ITGB8: variants seen among roughly 807,000 people sequenced by gnomAD.
The protein encoded by ITGB8 is integrin beta-8.
A neutral mutation model predicts 89.5 loss-of-function variants in ITGB8; 30 were observed. The observed-to-expected ratio is 0.34, with a 90% CI of 0.25 to 0.45. The LOEUF (loss-of-function observed/expected upper bound fraction) is 0.45. Ranked by LOEUF, ITGB8 falls within the 20% of genes least tolerant of loss-of-function variation. The probability of loss-of-function intolerance (pLI) is 1.00; values close to 1 mark genes in which losing one functional copy is unlikely to be tolerated. For synonymous variants in ITGB8, 335 were observed against 320.4 expected (o/e 1.05, Z -0.49); for missense variants, 836 against 933.3 (o/e 0.90, Z 1.36).
At chr7:20,399,037 G>A in intron 9 of ITGB8, 43 bp downstream of exon 9, 1 of 1,581,644 alleles carries the variant, frequency 6.3e-7, no homozygotes, top group Non-Finnish European at 8.6e-7. Context: ...AAACTAAGTT[G>A]TTTGGCGTAC....
intron 2 of ITGB8, chr7:20,365,559 A>C (rs761308340): frequency 6.6e-6 from 1 of 152,242 alleles, no homozygotes; most frequent in Non-Finnish European, 1.5e-5. Context: ...TGTGGGAAGC[A>C]CTGGGCACAG....
chr7:20,357,933 G>A lies in ITGB8; in HGVS notation c.128-5704G>A, dbSNP rs149189277. ...CTTTTTCTGATTTCTGTCAAGGCAG[G>A]TTTTTTTTGTTATCGTTGTTGTTTT... On this transcript the variant is annotated intron_variant, in intron 1 of 13. Transcript: ENST00000222573. Among the ~76,000 whole-genome samples, 855 of 151,926 alleles carry A rather than the reference G, an allele frequency of 5.6e-3. 9 individuals carry two copies. The highest frequency in any genetic ancestry group is 0.02 in the African/African-American group (813 of 41,444).
In ITGB8 at chr7:20,411,101, C is replaced by T. The variant is rs1481499550; in HGVS notation, c.*1104C>T. 1 of 143,642 alleles carries T rather than the reference C, an allele frequency of 7.0e-6. No individual in the cohort carries two copies. Among genetic ancestry groups the T allele is most frequent in the African/African-American group, 2.5e-5 (1 of 39,224 alleles). The allele number at this position is 143,642 out of a possible 1,614,324, so 8.9% of individuals were successfully genotyped here. On this transcript the variant is annotated 3_prime_UTR_variant, in exon 14 of 14. Transcript: ENST00000222573. ...CACTCCAACCCTTCTTGCCAGAATTCATAAAAGTACAAAATTGGAGAATAG... is the reference window on the plus strand; with the variant it reads ...CACTCCAACCCTTCTTGCCAGAATTTATAAAAGTACAAAATTGGAGAATAG...
intron 1 of ITGB8, among the ~76,000 whole-genome samples, chr7:20,332,681 T>C (rs1784446467): frequency 6.6e-6 from 1 of 152,206 alleles, no homozygotes; most frequent in Admixed American, 6.5e-5. Flanking sequence ...ACGAGGTTTA[T>C]TAATAATACC....
chr7:20,337,705 T>C (rs866218449), intron 1 of ITGB8, among the ~76,000 whole-genome samples: 14 of 152,300 alleles, frequency 9.2e-5, no homozygotes, highest in Middle Eastern at 3.4e-3. Context: ...TATAGACATA[T>C]AGATTGCTTT....
chr7:20,408,807 G>T (rs940313202), intron 12 of ITGB8, among the ~76,000 whole-genome samples: 1 of 152,080 alleles, frequency 6.6e-6, no homozygotes, highest in African/African-American at 2.4e-5. Context: ...CAAAGATCTG[G>T]TGCTAAAATG....
chr7:20,352,341 A>T (rs1583479458), intron 1 of ITGB8: 1 of 152,234 alleles, frequency 6.6e-6, no homozygotes, highest in African/African-American at 2.4e-5. Flanking sequence ...AAATTGAAGT[A>T]TTCAGCTAAA....
chr7:20,398,794 G>A (rs1408015219), intron 8 of ITGB8, 66 bp from the exon 9 acceptor site: 1 of 1,147,406 alleles, frequency 8.7e-7, no homozygotes, highest in Admixed American at 2.8e-5. Context: ...TAATAAGCTT[G>A]ACTCTGCTTT....
At position 20,342,187 on chromosome 7, in the gene ITGB8, A is replaced by G. The variant is rs1470246311; in HGVS notation, c.127+10254A>G. Among the ~76,000 whole-genome samples, 4 of 152,204 alleles carry G rather than the reference A, an allele frequency of 2.6e-5. 1 individual carries two copies. The highest frequency in any genetic ancestry group is 9.6e-5 in the African/African-American group (4 of 41,454). ...ACATCAAGCTCCAGAGGACGTAAGA[A>G]TTGGCCTCCAAGTTGTATAATATAA... On this transcript the variant is annotated intron_variant, in intron 1 of 13. Transcript: ENST00000222573.
rs746886746 is a variant in ITGB8 at position 20,404,684 on chromosome 7, C to G, written c.1744C>G (p.Arg582Gly). The change falls in exon 11 of 14, where the codon CGA becomes GGA. Residue 582 changes from arginine (R) to glycine (G), a missense_variant. By Grantham distance (125) the Arg-to-Gly change is moderately radical (BLOSUM62 -2). Coordinates refer to ENST00000222573, the MANE Select transcript of ITGB8 (RefSeq NM_002214.3). ...CQCFSGWEGD[R>G]CQCPSAAAQH... ...ATGCTTCAGTGGCTGGGAAGGTGATCGATGCCAGTGCCCTTCAGCAGCAGC... is the reference window on the plus strand; with the variant it reads ...ATGCTTCAGTGGCTGGGAAGGTGATGGATGCCAGTGCCCTTCAGCAGCAGC... The G allele has an allele frequency of 1.9e-6, 3 of 1,613,928 alleles. No individual in the cohort carries two copies. The highest frequency in any genetic ancestry group is 2.5e-6 in the Non-Finnish European group (3 of 1,179,982).
At chr7:20,355,506 G>A (rs910591913) in intron 1 of ITGB8, among the ~76,000 whole-genome samples, 2 of 152,036 alleles carry the variant, frequency 1.3e-5, no homozygotes, top group African/African-American at 4.8e-5. Flanking sequence ...CCAAATACAC[G>A]TTCAGACTAT....
In ITGB8 at chr7:20,413,257, A is replaced by T. The variant is rs1310851803; in HGVS notation, c.*3260A>T. On this transcript the variant is annotated 3_prime_UTR_variant, in exon 14 of 14. Transcript: ENST00000222573. ...TATTAAAATAAAAAAAAAATCTAAG[A>T]TTAAACACAGTAGATATCTCTGGAG... is the stretch of plus-strand genomic sequence containing the variant. 1 of 152,542 alleles carries T rather than the reference A, an allele frequency of 6.6e-6. No homozygotes were observed. The highest frequency in any genetic ancestry group is 1.9e-4 in the East Asian group (1 of 5,200). The allele number at this position is 152,542 out of a possible 1,614,324, so 9.4% of individuals were successfully genotyped here.
At position 20,398,979 on chromosome 7, in the gene ITGB8, G is replaced by A. The variant is rs1787198871; in HGVS notation, c.1266G>A (p.Val422=). The change falls in exon 9 of 14, where the codon GTG becomes GTA. Residue 422 remains valine (V), a synonymous_variant. Transcript: ENST00000222573. ...CAGGCATGGAAGGATGCAGAAACGT[G>A]ACGAGCAATGATGAAGTATGTGGGT... ...RKPGMEGCRN[V]TSNDEVLFNV... The A allele has an allele frequency of 6.2e-7, 1 of 1,613,346 alleles. No individual in the cohort carries two copies. Among genetic ancestry groups the A allele is most frequent in the Non-Finnish European group, 8.5e-7 (1 of 1,179,746 alleles).
In ITGB8 at chr7:20,396,060, G is replaced by A. The variant is rs576586249; in HGVS notation, c.1146+1075G>A. Among the ~76,000 whole-genome samples, 92 of 152,272 alleles carry A rather than the reference G, an allele frequency of 6.0e-4. 3 individuals are homozygous for A. The South Asian group carries it at 0.016, about 26-fold the overall frequency. ...CCAAAGCATTGTGGAAAAACCTCTC[G>A]TTTCTCTTCTCGTTTTCTCCAGACA... On this transcript the variant is annotated intron_variant, in intron 8 of 13. Transcript: ENST00000222573.
chr7:20,371,717 T>A (rs985453017), intron 3 of ITGB8, among the ~76,000 whole-genome samples: 6 of 152,236 alleles, frequency 3.9e-5, no homozygotes, highest in African/African-American at 1.4e-4. Flanking sequence ...TGCAGTTTTT[T>A]AAAACACATC....
intron 6 of ITGB8, 92 bp downstream of exon 6, chr7:20,381,977 T>C (rs1489699486): frequency 9.4e-7 from 1 of 1,068,770 alleles, no homozygotes; most frequent in Non-Finnish European, 1.4e-6. Flanking sequence ...ACCAGGAAAT[T>C]ACCTACAAAA....
At chr7:20,338,744 G>A (rs76845594) in intron 1 of ITGB8, among the ~76,000 whole-genome samples, 19,379 of 152,118 alleles carry the variant, frequency 0.13, 1,448 homozygotes, top group East Asian at 0.34. Context: ...ATGTCAAAGT[G>A]TTTTTATATT....
intron 1 of ITGB8, among the ~76,000 whole-genome samples, chr7:20,341,180 A>G (rs1784743522): frequency 1.3e-5 from 2 of 152,146 alleles, no homozygotes; most frequent in Non-Finnish European, 2.9e-5. Flanking sequence ...GTATTGCTCC[A>G]TTGTGTTTTT....
intron 1 of ITGB8, among the ~76,000 whole-genome samples, chr7:20,350,839 C>G (rs1486460969): frequency 6.6e-6 from 1 of 152,238 alleles, no homozygotes; most frequent in Non-Finnish European, 1.5e-5. Context: ...TAGCATGCAG[C>G]TCAGAGCTGT....
Sources: gnomAD v4.1 joint callset for allele counts (sites outside exome capture counted in the v4.1 genomes callset) on GRCh38, gnomAD v4.1.1 for gene constraint, MANE v1.5 for transcripts, NCBI Gene and HGNC (gene_info 2026-07-23, HGNC 2026-07-21) for gene names.